Variants in GRAMD4 observed in about 807,000 individuals in gnomAD.
GRAMD4 encodes the protein GRAM domain containing 4.
A neutral mutation model predicts 83.9 loss-of-function variants in GRAMD4; 25 were observed. That is an observed-to-expected ratio of 0.30 (90% CI 0.22 to 0.42). GRAMD4 has a LOEUF of 0.42. GRAMD4 is among the 10% of genes least tolerant of loss of function. GRAMD4 has a pLI of 1.00. For missense variants in GRAMD4, 593 were observed against 788.7 expected (o/e 0.75, Z 2.97); for synonymous variants, 336 against 320.9 (o/e 1.05, Z -0.50).
intron 1 of GRAMD4, among the ~76,000 whole-genome samples, chr22:46,623,171 CG>C (rs1400974244): frequency 1.3e-5 from 2 of 151,998 alleles, no homozygotes; most frequent in Non-Finnish European, 2.9e-5. Context: ...TTTACAAGGA[CG>C]GGGTCCTGTG....
At chr22:46,668,652 C>G (rs767043782) in intron 11 of GRAMD4, 37 bp from the exon 12 acceptor site, 2 of 1,598,906 alleles carry the variant, frequency 1.3e-6, no homozygotes, top group South Asian at 1.1e-5. Flanking sequence ...AGCCCAGGAG[C>G]GGGGGCTGTT....
upstream of GRAMD4, among the ~76,000 whole-genome samples, chr22:46,617,629 G>A (rs908157735): frequency 2.0e-5 from 3 of 152,136 alleles, no homozygotes; most frequent in Non-Finnish European, 2.9e-5. Context: ...AGGAAGAAGC[G>A]GAGACTCACG....
chr22:46,675,372 A>G, intron 16 of GRAMD4, 96 bp from the exon 17 acceptor site: 1 of 808,794 alleles, frequency 1.2e-6, no homozygotes, highest in Non-Finnish European at 2.2e-6. Context: ...TGTCCATCCC[A>G]CTGGGGGCTG....
intron 15 of GRAMD4, among the ~76,000 whole-genome samples, chr22:46,674,090 GTCCAGGGCGAGGCCTCAGGGCC>G (rs1213282518): frequency 6.6e-6 from 1 of 152,258 alleles, no homozygotes; most frequent in East Asian, 1.9e-4. Flanking sequence ...TGGGGAGAGA[GTCCAGGGCGAGGCCTCAGGGCC>G]TGCAGGGCGC....
At chr22:46,651,930 A>G (rs372755770) in intron 3 of GRAMD4, among the ~76,000 whole-genome samples, 4 of 152,218 alleles carry the variant, frequency 2.6e-5, no homozygotes, top group African/African-American at 9.6e-5. Context: ...GAGGGCTTCC[A>G]GTGGTTTTAT....
chr22:46,589,472 G>C (rs554755683), intron 1 of GRAMD4, among the ~76,000 whole-genome samples: 3 of 152,020 alleles, frequency 2.0e-5, no homozygotes, highest in African/African-American at 7.2e-5. Context: ...TGGGGGGATG[G>C]GGAGGGCTGC....
intron 1 of GRAMD4, among the ~76,000 whole-genome samples, chr22:46,579,371 G>C (rs555677416): frequency 6.6e-6 from 1 of 152,194 alleles, no homozygotes; most frequent in African/African-American, 2.4e-5. Context: ...AATCAGAGCC[G>C]GTTTTCCTGA....
chr22:46,667,043 C>G (rs1353215302), intron 10 of GRAMD4, among the ~76,000 whole-genome samples, 170 bp downstream of exon 10: 1 of 152,228 alleles, frequency 6.6e-6, no homozygotes, highest in Non-Finnish European at 1.5e-5. Flanking sequence ...CCTCCCTAGC[C>G]CCAAGGCCTG....
upstream of GRAMD4, among the ~76,000 whole-genome samples, chr22:46,616,000 G>A (rs1173465390): frequency 4.6e-5 from 6 of 131,746 alleles, no homozygotes; most frequent in Admixed American, 1.6e-4. Context: ...GGGTTCCCCC[G>A]TGTGTAGGTT....
chr22:46,649,460 C>T (rs1052492471), intron 3 of GRAMD4, among the ~76,000 whole-genome samples: 13 of 152,206 alleles, frequency 8.5e-5, no homozygotes, highest in African/African-American at 1.4e-4. Context: ...AGGCAGGCGT[C>T]GGTTTCTGAA....
intron 1 of GRAMD4, among the ~76,000 whole-genome samples, chr22:46,579,195 C>G (rs1323291707): frequency 6.6e-6 from 1 of 152,104 alleles, no homozygotes. Context: ...AGGTGGAGGA[C>G]CCTTCACTGG....
upstream of GRAMD4, among the ~76,000 whole-genome samples, chr22:46,615,818 GTGTGGGTTCCCCCA>G (rs1177460651): frequency 5.0e-4 from 45 of 89,556 alleles, 11 homozygotes; most frequent in Admixed American, 1.3e-3. Context: ...TCCCCTGTGC[GTGTGGGTTCCCCCA>G]TGTGTAAGTT....
At chr22:46,592,765 GATGTGGCCGGC>G (rs1039304131) in intron 1 of GRAMD4, among the ~76,000 whole-genome samples, 130 of 152,288 alleles carry the variant, frequency 8.5e-4, no homozygotes, top group African/African-American at 3.0e-3. Flanking sequence ...GCACCTCCAG[GATGTGGCCGGC>G]ATCGTGGAGG....
intron 13 of GRAMD4, among the ~76,000 whole-genome samples, chr22:46,671,819 G>C (rs910534019): frequency 2.6e-5 from 4 of 152,236 alleles, no homozygotes; most frequent in African/African-American, 9.6e-5. Flanking sequence ...GGGCAACAGA[G>C]CAAGACTCTG....
intron 9 of GRAMD4, 74 bp downstream of exon 9, chr22:46,665,780 A>G: frequency 4.8e-6 from 4 of 832,150 alleles, no homozygotes; most frequent in Non-Finnish European, 6.2e-6. Context: ...GCGTCTCACA[A>G]CCGTGACCCC....
chr22:46,656,364 G>A (rs887904991), intron 3 of GRAMD4, among the ~76,000 whole-genome samples: 8 of 152,228 alleles, frequency 5.3e-5, no homozygotes, highest in African/African-American at 1.9e-4. Flanking sequence ...GTGGCTGCCG[G>A]GCAGGAAGGT....
rs552847447 is a variant in GRAMD4 at position 46,679,485 on chromosome 22, G to C, written c.*2234G>C. On this transcript the variant is annotated 3_prime_UTR_variant, in exon 19 of 19. Transcript: ENST00000406902. Reference sequence around the variant, plus strand: ...GATCGGCACGGGCTCTGGGCTCCCCGTGGAGAGAAGCTGTAGTTTTTACCA... The same window carrying C: ...GATCGGCACGGGCTCTGGGCTCCCCCTGGAGAGAAGCTGTAGTTTTTACCA... 2 of 985,594 alleles carry C rather than the reference G, an allele frequency of 2.0e-6. No individual in the cohort carries two copies. The highest frequency in any genetic ancestry group is 9.4e-5 in the South Asian group (2 of 21,294). The allele number at this position is 985,594 out of a possible 1,614,324, so 61.1% of individuals were successfully genotyped here.
intron 1 of GRAMD4, among the ~76,000 whole-genome samples, chr22:46,580,967 C>CAAAAA (rs558020415): frequency 3.5e-5 from 3 of 86,840 alleles, no homozygotes; most frequent in East Asian, 3.2e-4. Context: ...AACTCCATCT[C>CAAAAA]AAAAAAAAAA....
Position 46,665,701 on chromosome 22 carries a change from C to A in GRAMD4, c.804C>A (p.Ile268=). The A allele has an allele frequency of 6.5e-7, 1 of 1,550,216 alleles. No individual in the cohort carries two copies. Among genetic ancestry groups the A allele is most frequent in the Non-Finnish European group, 8.9e-7 (1 of 1,122,256 alleles). The change falls in exon 9 of 19, where the codon ATC becomes ATA. Residue 268 remains isoleucine, a synonymous_variant. Transcript: ENST00000406902. ...AILRLSLNYL[I]ARGWRIQWSI... ...TGAGGTTATCCCTCAATTACCTCAT[C>A]GCCAGGTAGGTGAGCCGGTTTGTTG...
Sources: allele counts gnomAD v4.1 joint callset (sites outside exome capture counted in the v4.1 genomes callset), GRCh38; gene constraint gnomAD v4.1.1; transcripts MANE v1.5; gene names NCBI Gene and HGNC (gene_info 2026-07-23, HGNC 2026-07-21).